PIK3CA: variants seen among roughly 807,000 people sequenced by gnomAD.
PIK3CA encodes phosphatidylinositol 4,5-bisphosphate 3-kinase catalytic subunit alpha isoform.
Under a neutral mutation model 138.2 loss-of-function variants are expected in PIK3CA, and 27 were observed. That is an observed-to-expected ratio of 0.20 (90% CI 0.14 to 0.27). The LOEUF is 0.27. PIK3CA is among the 10% of genes least tolerant of loss of function. PIK3CA has a pLI of 1.00. For missense variants in PIK3CA, 544 were observed against 1,277.4 expected, an observed-to-expected ratio of 0.43 and a Z score of 8.75; for synonymous variants, 358 against 413.2, an observed-to-expected ratio of 0.87 and a Z score of 1.62.
At chr3:179,188,580 G>A (rs1235439943) in intron 1 of PIK3CA, among the ~76,000 whole-genome samples, 1 of 152,122 alleles carries the variant, frequency 6.6e-6, no homozygotes, top group Non-Finnish European at 1.5e-5. Flanking sequence ...CTGATTTAGG[G>A]TCACTGGAAC....
rs3729682 is a variant in PIK3CA at position 179,209,557 on chromosome 3, T to C, written c.1146-38T>C. 0.071 allele frequency: 89,658 copies of C among 1,257,680 alleles called. 3,414 individuals are homozygous for C. The highest frequency in any genetic ancestry group is 0.11 in the African/African-American group (7,127 of 67,360). 77.9% of individuals were successfully genotyped at this position (1,257,680 alleles called of 1,614,324 possible). On this transcript the variant is annotated intron_variant, in intron 6 of 20. Transcript: ENST00000263967. ...CATTTATATACTTTGATGAAGACTT[T>C]TCTTGATGTATTATTTTTGCTTTAA...
intron 9 of PIK3CA, among the ~76,000 whole-genome samples, chr3:179,215,110 C>T (rs1724807864): frequency 6.6e-6 from 1 of 152,184 alleles, no homozygotes; most frequent in South Asian, 2.1e-4. Flanking sequence ...ACAGTAACAG[C>T]AGCATCAAGA....
At chr3:179,200,158 A>T (rs182747849) in intron 3 of PIK3CA, among the ~76,000 whole-genome samples, 24 of 152,124 alleles carry the variant, frequency 1.6e-4, no homozygotes, top group Admixed American at 1.6e-3. Flanking sequence ...ATGAGTTTGA[A>T]ATTTACTATT....
intron 1 of PIK3CA, among the ~76,000 whole-genome samples, chr3:179,176,033 T>C (rs916070348): frequency 4.6e-5 from 7 of 152,326 alleles, no homozygotes; most frequent in Admixed American, 3.3e-4. Flanking sequence ...AGTTTTGTTT[T>C]CTCTAGTTTT....
At chr3:179,169,360 A>G (rs1426588532) in intron 1 of PIK3CA, 1 of 152,160 alleles carries the variant, frequency 6.6e-6, no homozygotes, top group Non-Finnish European at 1.5e-5. Flanking sequence ...TTGGGATTAC[A>G]TCATATGTGT....
Position 179,198,782 on chromosome 3 carries a change from C to A in PIK3CA, c.-44C>A, listed in dbSNP as rs775318906. ...CTTTGGGACAACCATACATCTAATT[C>A]CTTAAAGTAGTTTTATATGTAAAAC... On this transcript the variant is annotated 5_prime_UTR_variant, in exon 2 of 21. Coordinates refer to ENST00000263967, the MANE Select transcript of PIK3CA (RefSeq NM_006218.4). 1.7e-6 allele frequency: 2 copies of A among 1,152,190 alleles called. No homozygotes were observed. Among genetic ancestry groups the A allele is most frequent in the Non-Finnish European group, 1.2e-6 (1 of 817,988 alleles). The allele number at this position is 1,152,190 out of a possible 1,614,324, so 71.4% of individuals were successfully genotyped here.
rs569181058 is a variant in PIK3CA, at chr3:179,165,059, C to A, written c.-77+16456C>A. Reference sequence around the variant, plus strand: ...TCTCATTTCACTTTACTGTCCCTACCTGTCCTTCTACCTTTCTACTCTCCT... The same window carrying A: ...TCTCATTTCACTTTACTGTCCCTACATGTCCTTCTACCTTTCTACTCTCCT... On this transcript the variant is annotated intron_variant, in intron 1 of 20. Transcript: ENST00000263967. Among the ~76,000 whole-genome samples, 12 of 152,168 alleles carry A rather than the reference C, an allele frequency of 7.9e-5. No individual in the cohort carries two copies. In the South Asian group the frequency reaches 2.5e-3, roughly 32 times the overall value.
intron 1 of PIK3CA, among the ~76,000 whole-genome samples, chr3:179,159,034 G>A (rs1338585140): frequency 6.6e-6 from 1 of 152,092 alleles, no homozygotes; most frequent in Admixed American, 6.5e-5. Flanking sequence ...CATATACCAG[G>A]ATAATAGTAA....
At chr3:179,207,762 C>T (rs9826115) in intron 6 of PIK3CA, among the ~76,000 whole-genome samples, 8,684 of 152,102 alleles carry the variant, frequency 0.057, 301 homozygotes, top group African/African-American at 0.095. Context: ...TCAGGTGATC[C>T]GTCCACCTTG....
At chr3:179,154,353 A>G (rs572431763) in intron 1 of PIK3CA, among the ~76,000 whole-genome samples, 3 of 152,098 alleles carry the variant, frequency 2.0e-5, no homozygotes, top group South Asian at 4.2e-4. Flanking sequence ...ATTCTCATAG[A>G]AGGACCAACC....
Position 179,237,142 on chromosome 3 carries a change from CATTT to C in PIK3CA, c.*2783_*2786del, listed in dbSNP as rs1481982964. On this transcript the variant is annotated 3_prime_UTR_variant, in exon 21 of 21. Coordinates refer to ENST00000263967, the MANE Select transcript of PIK3CA (RefSeq NM_006218.4). ...TACCATATTCTCAGCTATACAAAACCATTTATTTTGAAGATTTTTAGACTACTGT... is the reference window on the plus strand; with the variant it reads ...TACCATATTCTCAGCTATACAAAACCATTTTGAAGATTTTTAGACTACTGT... The C allele has an allele frequency of 1.0e-5, 2 of 195,894 alleles. No homozygotes were observed. Among genetic ancestry groups the C allele is most frequent in the African/African-American group, 4.6e-5 (2 of 43,242 alleles). The allele number at this position is 195,894 out of a possible 1,614,324, so 12.1% of individuals were successfully genotyped here.
In PIK3CA at chr3:179,199,734, G is replaced by T; in HGVS notation, c.397G>T (p.Asp133Tyr). Reference protein sequence around the residue: ...MPVCEFDMVKDPEVQDFRRNI... With the variant: ...MPVCEFDMVKYPEVQDFRRNI... ...AGTGTGTGAATTTGATATGGTTAAA[G>T]ATCCAGAAGTACAGGACTTCCGAAG... Residue 133 changes from aspartate (D) to tyrosine (Y), a missense_variant, in exon 3 of 21, where the codon GAT becomes TAT. By Grantham distance (160) the Asp-to-Tyr change is radical. Transcript: ENST00000263967. 2.5e-6 allele frequency: 4 copies of T among 1,613,296 alleles called. No individual in the cohort carries two copies. The highest frequency in any genetic ancestry group is 3.4e-6 in the Non-Finnish European group (4 of 1,179,400).
At chr3:179,210,692 G>A in intron 9 of PIK3CA, 127 bp downstream of exon 9, 1 of 851,840 alleles carries the variant, frequency 1.2e-6, no homozygotes, top group South Asian at 1.9e-5. Context: ...GACCAATATT[G>A]CAATAGAATT....
intron 1 of PIK3CA, among the ~76,000 whole-genome samples, chr3:179,158,550 A>G (rs907560872): frequency 1.3e-5 from 2 of 152,048 alleles, no homozygotes; most frequent in African/African-American, 2.4e-5. Context: ...CATAGTCCTT[A>G]TATTACAGGG....
chr3:179,197,373 A>G (rs562424326), intron 1 of PIK3CA, among the ~76,000 whole-genome samples: 2 of 152,258 alleles, frequency 1.3e-5, no homozygotes, highest in East Asian at 3.9e-4. Flanking sequence ...GTTTCCTACT[A>G]TGGGAAACCA....
chr3:179,223,300 C>A (rs1345981739), intron 14 of PIK3CA, among the ~76,000 whole-genome samples: 2 of 152,048 alleles, frequency 1.3e-5, no homozygotes, highest in African/African-American at 4.8e-5. Context: ...ACTTTTTCCC[C>A]CACTCACATT....
upstream of PIK3CA, chr3:179,148,237 C>G (rs1722902252): frequency 6.6e-6 from 1 of 150,650 alleles, no homozygotes; most frequent in Non-Finnish European, 1.5e-5. Flanking sequence ...GAAAAAGAGA[C>G]CAATAAAGTT....
intron 1 of PIK3CA, among the ~76,000 whole-genome samples, chr3:179,152,429 C>T (rs534153052): frequency 6.6e-6 from 1 of 152,196 alleles, no homozygotes; most frequent in South Asian, 2.1e-4. Context: ...AGTGATCTAG[C>T]CTTAAAATTC....
In PIK3CA at chr3:179,237,047, A is replaced by G; in HGVS notation, c.*2683A>G. The G allele has an allele frequency of 5.2e-6, 1 of 193,924 alleles. No individual in the cohort carries two copies. 12.0% of individuals were successfully genotyped at this position (193,924 alleles called of 1,614,324 possible). Reference sequence around the variant, plus strand: ...AATAATTATTTTGAGAAAAAGTCTAAAAGTAATAAAAATAATTTTAAACAC... The same window carrying G: ...AATAATTATTTTGAGAAAAAGTCTAGAAGTAATAAAAATAATTTTAAACAC... On this transcript the variant is annotated 3_prime_UTR_variant, in exon 21 of 21. Transcript: ENST00000263967.
Sources: gnomAD v4.1 joint callset for allele counts (sites outside exome capture counted in the v4.1 genomes callset) on GRCh38, gnomAD v4.1.1 for gene constraint, MANE v1.5 for transcripts, NCBI Gene and HGNC (gene_info 2026-07-23, HGNC 2026-07-21) for gene names.